The following POLR1C variants were observed in gnomAD, a reference collection of about 807,000 sequenced individuals.
POLR1C encodes the protein DNA-directed RNA polymerases I and III subunit RPAC1.
In POLR1C, 42 loss-of-function variants were observed where a neutral mutation model predicts 38.3. That is an observed-to-expected ratio of 1.10 (90% CI 0.86 to 1.42). The LOEUF is 1.42. POLR1C is among the 40% of genes most tolerant of loss of function. The pLI, the probability that POLR1C is intolerant of heterozygous loss-of-function variation, is 0.00. For missense variants in POLR1C, 507 were observed against 450.5 expected (o/e 1.13, Z -1.14); for synonymous variants, 163 against 163.9 (o/e 0.99, Z 0.04).
chr6:43,524,650 G>A, downstream of POLR1C: 1 of 1,611,764 alleles, frequency 6.2e-7, no homozygotes, highest in Non-Finnish European at 8.5e-7. Context: ...TATCAGCAGG[G>A]ATAAACTTAC....
chr6:43,520,598 A>G (rs371158834), intron 6 of POLR1C, 27 bp from the exon 7 acceptor site: 7 of 1,613,832 alleles, frequency 4.3e-6, no homozygotes, highest in South Asian at 1.1e-5. Context: ...AGGGTTTCCT[A>G]TAGGCACGTT....
At chr6:43,552,079 C>T (rs1795254447) in intron 10 of POLR1C, among the ~76,000 whole-genome samples, 1 of 152,166 alleles carries the variant, frequency 6.6e-6, no homozygotes, top group Non-Finnish European at 1.5e-5. Flanking sequence ...TTATCAGCTA[C>T]TTTATTTATA....
At chr6:43,526,464 T>C (rs1793596664), downstream of POLR1C, 2 of 575,850 alleles carry the variant, frequency 3.5e-6, no homozygotes, top group East Asian at 2.9e-5. Flanking sequence ...AGATCACATA[T>C]ATGGTTGGGA....
At chr6:43,538,989 C>T (rs1274503078) in intron 9 of POLR1C, 13 of 1,486,344 alleles carry the variant, frequency 8.7e-6, no homozygotes, top group Non-Finnish European at 1.1e-5. Context: ...TCAAAGGTGG[C>T]CTTGGCGAAG....
At position 43,520,436 on chromosome 6, in the gene POLR1C, C is replaced by G. The variant is rs1240585827; in HGVS notation, c.655+9C>G. 1.2e-6 allele frequency: 2 copies of G among 1,613,052 alleles called. No homozygotes were observed. The highest frequency in any genetic ancestry group is 2.2e-5 in the East Asian group (1 of 44,892). ...CTGTGTCAAGGGCATTGGTGAGAAC[C>G]CTGTGTGCCTTCCTGGGAAGGGGGA... On this transcript the variant is annotated intron_variant, in intron 6 of 8. Coordinates refer to ENST00000642195, the MANE Select transcript of POLR1C (RefSeq NM_203290.4).
intron 10 of POLR1C, chr6:43,558,933 C>T (rs143266889): frequency 5.0e-6 from 1 of 198,178 alleles, no homozygotes; most frequent in East Asian, 1.3e-4. Flanking sequence ...AAATACTGAA[C>T]ACTGAGAATA....
At chr6:43,538,129 T>A (rs1582210090) in intron 9 of POLR1C, among the ~76,000 whole-genome samples, 1 of 118,996 alleles carries the variant, frequency 8.4e-6, no homozygotes, top group African/African-American at 3.1e-5. Flanking sequence ...ATTTAGAGCC[T>A]AAGAGACATC....
chr6:43,539,405 G>A, intron 9 of POLR1C: 3 of 1,572,656 alleles, frequency 1.9e-6, no homozygotes, highest in Non-Finnish European at 1.7e-6. Flanking sequence ...CTTGAGAGAG[G>A]CCCCCAGGAA....
Position 43,536,758 on chromosome 6 carries a change from T to TAAAAAAAAAAA in POLR1C, c.*4+7421_*4+7431dup, listed in dbSNP as rs1156884252. Among the ~76,000 whole-genome samples, 27 of 19,100 alleles carry TAAAAAAAAAAA rather than the reference T, an allele frequency of 1.4e-3. 1 individual carries two copies. Among genetic ancestry groups the TAAAAAAAAAAA allele is most frequent in the African/African-American group, 4.2e-3 (17 of 4,094 alleles). 12.5% of individuals were successfully genotyped at this position (19,100 alleles called of 152,430 possible). ...CTGGACGACAGAGTGAGACTCTATC[T>TAAAAAAAAAAA]AAAAAAAAAAAAAAAAAAAAAAAAA... On this transcript the variant is annotated intron_variant, in intron 9 of 10. Transcript: ENST00000607635.
At chr6:43,547,961 T>C (rs1795043418) in intron 9 of POLR1C, among the ~76,000 whole-genome samples, 1 of 152,210 alleles carries the variant, frequency 6.6e-6, no homozygotes, top group African/African-American at 2.4e-5. Flanking sequence ...ATTTCTCTAC[T>C]GTGTGAGCAC....
At chr6:43,525,754 T>C, downstream of POLR1C, 1 of 1,415,488 alleles carries the variant, frequency 7.1e-7, no homozygotes, top group Non-Finnish European at 9.6e-7. Context: ...CAAAAAACTC[T>C]TGATAGCACC....
rs572808573 is a variant in POLR1C at position 43,536,199 on chromosome 6, G to A, written c.*4+6840G>A. The stretch of plus-strand genomic sequence containing the variant: ...GGAGGCTAAGGCAGACGGATCACCT[G>A]AGGTCAGGAGTTTGAGACCAGCCTG... On this transcript the variant is annotated intron_variant, in intron 9 of 10. Coordinates refer to the POLR1C transcript ENST00000607635. Among the ~76,000 whole-genome samples, 87 of 152,000 alleles carry A rather than the reference G, an allele frequency of 5.7e-4. 1 individual carries two copies. The highest frequency in any genetic ancestry group is 3.3e-3 in the Admixed American group (51 of 15,238).
chr6:43,527,742 C>A (rs573474333), intron 8 of POLR1C: 1 of 1,613,832 alleles, frequency 6.2e-7, no homozygotes, highest in South Asian at 1.1e-5. Flanking sequence ...CTGCAGAAAA[C>A]CAGGGGGCCA....
At chr6:43,543,055 A>G (rs552212642) in intron 9 of POLR1C, among the ~76,000 whole-genome samples, 16 of 152,362 alleles carry the variant, frequency 1.1e-4, no homozygotes, top group Admixed American at 8.5e-4. Context: ...ACATTCATGC[A>G]GTAACATGGA....
At chr6:43,545,417 C>T (rs1306315779) in intron 9 of POLR1C, among the ~76,000 whole-genome samples, 2 of 151,952 alleles carry the variant, frequency 1.3e-5, no homozygotes, top group East Asian at 1.9e-4. Context: ...TTTAAACATC[C>T]TGTGAGAGGC....
intron 8 of POLR1C, chr6:43,526,707 A>G: frequency 6.2e-7 from 1 of 1,613,958 alleles, no homozygotes; most frequent in Non-Finnish European, 8.5e-7. Flanking sequence ...CTGGGGGAGC[A>G]CTACTGTGGT....
downstream of POLR1C, chr6:43,533,619 TTGA>T: frequency 8.9e-6 from 2 of 225,844 alleles, no homozygotes; most frequent in Non-Finnish European, 1.8e-5. Context: ...GGAGGACTGC[TTGA>T]TGATAAGAGT....
intron 9 of POLR1C, among the ~76,000 whole-genome samples, chr6:43,540,993 G>A (rs1185991795): frequency 6.6e-6 from 1 of 151,840 alleles, no homozygotes; most frequent in Non-Finnish European, 1.5e-5. Flanking sequence ...AATGAAATAA[G>A]CCAGGCACAG....
intron 9 of POLR1C, chr6:43,550,850 C>T (rs1795191635): frequency 6.6e-6 from 1 of 152,414 alleles, no homozygotes; most frequent in Non-Finnish European, 1.5e-5. Context: ...GGAAAGTGTT[C>T]CTTCCTCTCA....
Sources: gnomAD v4.1 joint callset for allele counts (sites outside exome capture counted in the v4.1 genomes callset) on GRCh38, gnomAD v4.1.1 for gene constraint, MANE v1.5 for transcripts, NCBI Gene and HGNC (gene_info 2026-07-23, HGNC 2026-07-21) for gene names.